The following AUTS2 variants were observed in gnomAD, a reference collection of about 807,000 sequenced individuals.
The protein encoded by AUTS2 is activator of transcription and developmental regulator AUTS2, also known as autism susceptibility gene 2 protein.
Under a neutral mutation model 112.4 loss-of-function variants are expected in AUTS2, and 17 were observed. The observed-to-expected ratio is 0.15, with a 90% confidence interval of 0.10 to 0.23. The LOEUF (loss-of-function observed/expected upper bound fraction) is 0.23. Among genes scored for constraint, AUTS2 ranks in the 10% least tolerant of loss-of-function variants. The pLI, the probability that AUTS2 is intolerant of heterozygous loss-of-function variation, is 1.00. For missense variants in AUTS2, 1,510 were observed against 1,701.6 expected (o/e 0.89, Z 1.98); for synonymous variants, 751 against 702.7 (o/e 1.07, Z -1.09).
chr7:70,460,658 T>C (rs999272032), intron 5 of AUTS2, among the ~76,000 whole-genome samples: 2 of 151,992 alleles, frequency 1.3e-5, no homozygotes, highest in African/African-American at 4.8e-5. Flanking sequence ...CTGAGCCTGG[T>C]CTTAGAGTGG....
At chr7:70,736,588 T>C (rs1055106590) in intron 6 of AUTS2, among the ~76,000 whole-genome samples, 2 of 152,196 alleles carry the variant, frequency 1.3e-5, no homozygotes, top group African/African-American at 4.8e-5. Context: ...TGTTTTTTAA[T>C]GCATAAATTA....
chr7:70,242,871 C>T (rs949953964), intron 4 of AUTS2, among the ~76,000 whole-genome samples: 6 of 152,090 alleles, frequency 3.9e-5, no homozygotes, highest in Admixed American at 3.9e-4. Context: ...GGGAGAAATG[C>T]CGTGCTTTTC....
At chr7:69,667,788 AGCG>A (rs1331025225) in intron 1 of AUTS2, among the ~76,000 whole-genome samples, 1 of 152,170 alleles carries the variant, frequency 6.6e-6, no homozygotes, top group African/African-American at 2.4e-5. Flanking sequence ...CCAATCCAGT[AGCG>A]GCAATTACCA....
intron 1 of AUTS2, among the ~76,000 whole-genome samples, chr7:69,613,057 CTGTT>C (rs1793133848): frequency 6.6e-6 from 1 of 152,202 alleles, no homozygotes; most frequent in Non-Finnish European, 1.5e-5. Context: ...ATAATAATCT[CTGTT>C]TGATAGTTGA....
At chr7:70,327,129 G>T (rs1263977334) in intron 4 of AUTS2, among the ~76,000 whole-genome samples, 2 of 151,936 alleles carry the variant, frequency 1.3e-5, no homozygotes, top group Non-Finnish European at 2.9e-5. Flanking sequence ...TGTTTGCCAG[G>T]CTGGTCTCAA....
At chr7:70,081,965 T>TGTGCGCGC (rs1018968486) in intron 2 of AUTS2, among the ~76,000 whole-genome samples, 4,866 of 128,038 alleles carry the variant, frequency 0.038, 107 homozygotes, top group South Asian at 0.06. Flanking sequence ...TGTGTGTGTG[T>TGTGCGCGC]GCGCGCGCCT....
intron 16 of AUTS2, chr7:70,785,616 GT>G: frequency 2.3e-6 from 1 of 435,524 alleles, no homozygotes; most frequent in African/African-American, 2.0e-5. Context: ...CCTCCTTTCT[GT>G]TCTGTTAGAA....
chr7:70,615,898 C>G (rs1458066156), intron 5 of AUTS2, among the ~76,000 whole-genome samples: 2 of 152,068 alleles, frequency 1.3e-5, no homozygotes, highest in Non-Finnish European at 2.9e-5. Context: ...GTGCTGGCCA[C>G]CTTGCCGAGC....
chr7:69,606,564 GTTT>G (rs1268294812), intron 1 of AUTS2, among the ~76,000 whole-genome samples: 1 of 151,938 alleles, frequency 6.6e-6, no homozygotes, highest in Non-Finnish European at 1.5e-5. Context: ...GTTTCATGCT[GTTT>G]TTTTCCTCCT....
intron 2 of AUTS2, among the ~76,000 whole-genome samples, chr7:69,928,422 C>T (rs73429443): frequency 0.01 from 1,557 of 152,296 alleles, 39 homozygotes; most frequent in African/African-American, 0.035. Flanking sequence ...TGCCTCCTGC[C>T]GTGATCAACA....
At chr7:70,449,404 A>G (rs1225574254) in intron 5 of AUTS2, among the ~76,000 whole-genome samples, 4 of 152,208 alleles carry the variant, frequency 2.6e-5, no homozygotes, top group Non-Finnish European at 5.9e-5. Context: ...AACTTAAGCC[A>G]GGTGCTTACA....
chr7:69,805,635 A>G (rs1490527951), intron 1 of AUTS2, among the ~76,000 whole-genome samples: 6 of 152,252 alleles, frequency 3.9e-5, no homozygotes, highest in African/African-American at 1.4e-4. Context: ...CTGTGTACAG[A>G]AGGAACCAAG....
At chr7:70,043,017 T>TAA (rs71978854) in intron 2 of AUTS2, among the ~76,000 whole-genome samples, 14 of 127,448 alleles carry the variant, frequency 1.1e-4, no homozygotes, top group South Asian at 2.5e-4. Context: ...GCACACTCAC[T>TAA]AAAAAAAAAA....
chr7:70,278,256 G>A (rs1252813092), intron 4 of AUTS2, among the ~76,000 whole-genome samples: 2 of 152,114 alleles, frequency 1.3e-5, no homozygotes, highest in African/African-American at 4.8e-5. Flanking sequence ...AATAGTAGTA[G>A]GATGTATTTT....
chr7:70,391,672 A>G (rs1461362409), intron 4 of AUTS2, among the ~76,000 whole-genome samples: 1 of 152,094 alleles, frequency 6.6e-6, no homozygotes, highest in African/African-American at 2.4e-5. Flanking sequence ...ATGCTAAAAA[A>G]TAATAACAAT....
At chr7:70,418,499 C>G (rs1438702903) in intron 4 of AUTS2, among the ~76,000 whole-genome samples, 1 of 152,166 alleles carries the variant, frequency 6.6e-6, no homozygotes, top group African/African-American at 2.4e-5. Flanking sequence ...AATCCAAATA[C>G]GTATCTTTCT....
intron 4 of AUTS2, among the ~76,000 whole-genome samples, chr7:70,215,894 A>G (rs1811140894): frequency 6.6e-6 from 1 of 152,168 alleles, no homozygotes; most frequent in Admixed American, 6.5e-5. Flanking sequence ...TAGTTTAGTA[A>G]TACAATTTGG....
At chr7:70,696,077 A>G (rs186820502) in intron 5 of AUTS2, among the ~76,000 whole-genome samples, 50 of 152,306 alleles carry the variant, frequency 3.3e-4, no homozygotes, top group African/African-American at 9.9e-4. Flanking sequence ...AATGCAGACT[A>G]TTTTCTGAAA....
chr7:70,226,157 G>A (rs1425981255), intron 4 of AUTS2, among the ~76,000 whole-genome samples: 4 of 151,838 alleles, frequency 2.6e-5, no homozygotes, highest in African/African-American at 4.8e-5. Context: ...ATTGTTCAAC[G>A]GGGAACTGAA....
Sources: gnomAD v4.1 joint callset for allele counts (sites outside exome capture counted in the v4.1 genomes callset) on GRCh38, gnomAD v4.1.1 for gene constraint, MANE v1.5 for transcripts, NCBI Gene and HGNC (gene_info 2026-07-23, HGNC 2026-07-21) for gene names.